C19orf44: variants seen among roughly 807,000 people sequenced by gnomAD.
C19orf44 encodes the protein chromosome 19 open reading frame 44, also known as uncharacterized protein C19orf44.
C19orf44 carries 43 observed loss-of-function variants against 50.7 expected under a neutral mutation model. The observed-to-expected ratio is 0.85, with a 90% CI of 0.66 to 1.09. The LOEUF (loss-of-function observed/expected upper bound fraction) is 1.09. Ranked by LOEUF, C19orf44 falls within the 50% of genes least tolerant of loss-of-function variation. The pLI, the probability that C19orf44 is intolerant of heterozygous loss-of-function variation, is 0.00. For synonymous variants in C19orf44, 298 were observed against 334.7 expected (o/e 0.89, Z 1.20); for missense variants, 722 against 836.2 (o/e 0.86, Z 1.68).
chr19:16,510,725 T>TTC (rs137945542), intron 5 of C19orf44, among the ~76,000 whole-genome samples: 8 of 151,238 alleles, frequency 5.3e-5, no homozygotes, highest in South Asian at 4.2e-4. Context: ...TTCCAGATAT[T>TTC]TCTCTCTCTC....
intron 3 of C19orf44, among the ~76,000 whole-genome samples, chr19:16,504,554 C>G (rs1213342736): frequency 6.6e-6 from 1 of 152,044 alleles, no homozygotes; most frequent in East Asian, 1.9e-4. Context: ...ACACTCTGAT[C>G]AGCTGCTAAT....
At chr19:16,497,413 C>A (rs964327575) in intron 1 of C19orf44, among the ~76,000 whole-genome samples, 1 of 132,270 alleles carries the variant, frequency 7.6e-6, no homozygotes, top group Non-Finnish European at 1.5e-5. Context: ...TGCAATGGTG[C>A]GATCTCGGCT....
At chr19:16,497,991 C>T (rs1199425717) in intron 1 of C19orf44, among the ~76,000 whole-genome samples, 2 of 152,010 alleles carry the variant, frequency 1.3e-5, no homozygotes, top group African/African-American at 2.4e-5. Context: ...TCTGTAGTCC[C>T]AGCTACCCAG....
chr19:16,516,612 C>T (rs952797111), intron 7 of C19orf44, among the ~76,000 whole-genome samples: 5 of 152,160 alleles, frequency 3.3e-5, no homozygotes, highest in African/African-American at 1.2e-4. Flanking sequence ...CAATGCTGAG[C>T]GGTTGGGGAT....
rs1012151094 is a variant in C19orf44, at chr19:16,513,120, G to T, written c.1735+11G>T. On this transcript the variant is annotated intron_variant, in intron 6 of 8. Transcript: ENST00000221671. ...CAGATGCAATAGAAGGTAACAGCCC[G>T]GCTCGGGGGATCCTTCCTGTCACAT... The T allele has an allele frequency of 8.1e-6, 13 of 1,612,388 alleles. No individual in the cohort carries two copies. Among genetic ancestry groups the T allele is most frequent in the Middle Eastern group, 1.6e-4 (1 of 6,076 alleles).
chr19:16,501,493 C>T lies in C19orf44; in HGVS notation c.701C>T (p.Thr234Met), dbSNP rs768336435. The change falls in exon 2 of 9, where the codon ACG becomes ATG. Residue 234 changes from threonine (T) to methionine (M), a missense_variant. Transcript: ENST00000221671. ...ATGGACTCTTCTAGAGAAAAAAACACGAATCAAGGCTTCAGCAGCGCTAAC... is the reference window on the plus strand; with the variant it reads ...ATGGACTCTTCTAGAGAAAAAAACATGAATCAAGGCTTCAGCAGCGCTAAC... ...SLMDSSREKN[T>M]NQGFSSANVS... is the part of the protein sequence containing the mutation. The T allele has an allele frequency of 8.8e-6, 14 of 1,594,556 alleles. No homozygotes were observed. The highest frequency in any genetic ancestry group is 5.4e-5 in the African/African-American group (4 of 73,510).
At position 16,521,212 on chromosome 19, in the gene C19orf44, G is replaced by GCC. The variant is rs953243637; in HGVS notation, c.*1161_*1162dup. 3.5e-6 allele frequency: 2 copies of GCC among 576,802 alleles called. No homozygotes were observed. The highest frequency in any genetic ancestry group is 3.7e-5 in the African/African-American group (2 of 53,430). The allele number at this position is 576,802 out of a possible 1,614,324, so 35.7% of individuals were successfully genotyped here. On this transcript the variant is annotated 3_prime_UTR_variant, in exon 9 of 9. Coordinates refer to ENST00000221671, the MANE Select transcript of C19orf44 (RefSeq NM_032207.4). ...TGACTCATGGGTGGACAGGCCTGCA[G>GCC]CCCAGCACAGGAAGGAGGGGTGACC...
In C19orf44 at chr19:16,514,685, C is replaced by T; in HGVS notation, c.1902+22C>T. 3 of 1,544,038 alleles carry T rather than the reference C, an allele frequency of 1.9e-6. No homozygotes were observed. In the South Asian group the frequency reaches 3.6e-5, roughly 19 times the overall value. On this transcript the variant is annotated intron_variant, in intron 7 of 8. Transcript: ENST00000221671. Reference sequence around the variant, plus strand: ...AGAGGTGAGCGCAGCTCCCCATGGGCAGGGGCAGGGCAGTAGGGGAGCGGC... The same window carrying T: ...AGAGGTGAGCGCAGCTCCCCATGGGTAGGGGCAGGGCAGTAGGGGAGCGGC...
In C19orf44 at chr19:16,519,460, G is replaced by C. The variant is rs955184958; in HGVS notation, c.*41-634G>C. 3.0e-6 allele frequency: 4 copies of C among 1,332,922 alleles called. No homozygotes were observed. The South Asian group carries it at 5.2e-5, about 17-fold the overall frequency. 82.6% of individuals were successfully genotyped at this position (1,332,922 alleles called of 1,614,324 possible). The stretch of plus-strand genomic sequence containing the variant: ...AGTGTAGACATGGGAAATGGGTAGA[G>C]AGAACCCGCAGGCCGGCCCTGTCTA... On this transcript the variant is annotated intron_variant, in intron 8 of 8. Coordinates refer to ENST00000221671, the MANE Select transcript of C19orf44 (RefSeq NM_032207.4). This position sits in a 1 kb window ranked among gnomAD's most constrained non-coding sequence, Gnocchi z 6.0.
chr19:16,520,701 A>C lies in C19orf44; in HGVS notation c.*648A>C. 1.7e-6 allele frequency: 2 copies of C among 1,188,372 alleles called. No individual in the cohort carries two copies. Among genetic ancestry groups the C allele is most frequent in the Admixed American group, 1.8e-5 (1 of 56,034 alleles). 73.6% of individuals were successfully genotyped at this position (1,188,372 alleles called of 1,614,324 possible). A position where few individuals can be genotyped will look rare whatever the true frequency, so the allele number is the denominator to read the frequency against. ...GCTGTGTGAATTCAGGCCTTGTGGA[A>C]AACACCGCCCCATAGGCACAGGCTG... On this transcript the variant is annotated 3_prime_UTR_variant, in exon 9 of 9. Transcript: ENST00000221671. The surrounding 1 kb of genome is among the most constrained non-coding windows in gnomAD (Gnocchi z 4.0).
Position 16,514,666 on chromosome 19 carries a change from G to T in C19orf44, c.1902+3G>T. 5 of 1,563,204 alleles carry T rather than the reference G, an allele frequency of 3.2e-6. No individual in the cohort carries two copies. The highest frequency in any genetic ancestry group is 4.3e-6 in the Non-Finnish European group (5 of 1,154,218). On this transcript the variant is annotated splice_donor_region_variant and intron_variant, in intron 7 of 8. Transcript: ENST00000221671. ...ACACCCTGGAGGAAGCCAAAGAGGT[G>T]AGCGCAGCTCCCCATGGGCAGGGGC...
At position 16,519,455 on chromosome 19, in the gene C19orf44, GTAGAGAGAAC is replaced by G; in HGVS notation, c.*41-638_*41-629del. The G allele has an allele frequency of 7.4e-7, 1 of 1,357,860 alleles. No homozygotes were observed. Among genetic ancestry groups the G allele is most frequent in the South Asian group, 1.3e-5 (1 of 77,408 alleles). 84.1% of individuals were successfully genotyped at this position (1,357,860 alleles called of 1,614,324 possible). A position where few individuals can be genotyped will look rare whatever the true frequency, so the allele number is the denominator to read the frequency against. On this transcript the variant is annotated intron_variant, in intron 8 of 8. Coordinates refer to ENST00000221671, the MANE Select transcript of C19orf44 (RefSeq NM_032207.4). This position sits in a 1 kb window ranked among gnomAD's most constrained non-coding sequence, Gnocchi z 6.0. ...CAGGCAGTGTAGACATGGGAAATGG[GTAGAGAGAAC>G]CCGCAGGCCGGCCCTGTCTAGAGGG...
At chr19:16,509,440 C>T (rs2093449856) in intron 4 of C19orf44, 59 bp from the exon 5 acceptor site, 1 of 1,521,126 alleles carries the variant, frequency 6.6e-7, no homozygotes, top group East Asian at 2.3e-5. Flanking sequence ...GTGCAGTGTT[C>T]CTAGCATGTT....
intron 1 of C19orf44, among the ~76,000 whole-genome samples, chr19:16,499,313 G>A (rs762210177): frequency 6.6e-6 from 1 of 151,488 alleles, no homozygotes; most frequent in Non-Finnish European, 1.5e-5. Flanking sequence ...TTGAGACGGA[G>A]TTTTACTCTG....
chr19:16,515,904 C>A (rs1477838016), intron 7 of C19orf44, among the ~76,000 whole-genome samples: 3 of 152,080 alleles, frequency 2.0e-5, no homozygotes, highest in African/African-American at 7.2e-5. Flanking sequence ...TCAAGTGATT[C>A]TCTTACCTCA....
chr19:16,509,520 A>G lies in C19orf44; in HGVS notation c.1171A>G (p.Lys391Glu). Residue 391 changes from lysine (K) to glutamate (E), a missense_variant, in exon 5 of 9, where the codon AAA becomes GAA. By Grantham distance (56) the Lys-to-Glu change is moderately conservative. Coordinates refer to ENST00000221671, the MANE Select transcript of C19orf44 (RefSeq NM_032207.4). The part of the protein sequence containing the change: ...EQEEESAQRQ[K>E]TAGKIFRAEA... The stretch of plus-strand genomic sequence containing the variant: ...TTAGGAGGAAAGTGCTCAGAGACAA[A>G]AAACAGCTGGCAAAATCTTCAGAGC... 6.5e-7 allele frequency: 1 copy of G among 1,546,566 alleles called. No homozygotes were observed. Among genetic ancestry groups the G allele is most frequent in the Non-Finnish European group, 8.7e-7 (1 of 1,150,764 alleles).
At chr19:16,517,912 A>G (rs2085559744) in intron 8 of C19orf44, 1 of 152,318 alleles carries the variant, frequency 6.6e-6, no homozygotes. Context: ...AAAAGGCTTT[A>G]TTTGAAGGCA....
rs749553167 is a variant in C19orf44, at chr19:16,509,640, G to A, written c.1291G>A (p.Glu431Lys). 4.3e-6 allele frequency: 7 copies of A among 1,614,114 alleles called. No individual in the cohort carries two copies. Among genetic ancestry groups the A allele is most frequent in the Admixed American group, 1.7e-5 (1 of 60,008 alleles). Reference protein sequence around the residue: ...KAASAEGDESEVSEHLSASSA... With the variant: ...KAASAEGDESKVSEHLSASSA... ...CGCCTCTGCAGAGGGGGATGAGAGC[G>A]AGGTCTCGGAGCATCTCAGTGCCAG... Residue 431 changes from glutamate to lysine, a missense_variant, in exon 5 of 9, where the codon GAG becomes AAG. Physicochemically the swap from Glu to Lys is moderately conservative, Grantham distance 56 (BLOSUM62 1). Coordinates refer to ENST00000221671, the MANE Select transcript of C19orf44 (RefSeq NM_032207.4).
At chr19:16,500,699 A>G in intron 1 of C19orf44, 93 bp from the exon 2 acceptor site, 1 of 1,304,528 alleles carries the variant, frequency 7.7e-7, no homozygotes, top group Non-Finnish European at 1.1e-6. Context: ...TGGGTTGCAA[A>G]AGACAGTGTG....
Sources: gnomAD v4.1 joint callset for allele counts (sites outside exome capture counted in the v4.1 genomes callset) on GRCh38, gnomAD v4.1.1 for gene constraint, Gnocchi (gnomAD v3.1) non-coding constraint, MANE v1.5 for transcripts, NCBI Gene and HGNC (gene_info 2026-07-23, HGNC 2026-07-21) for gene names.